MACROH2A1: variants seen among roughly 807,000 people sequenced by gnomAD.
MACROH2A1 encodes the protein core histone macro-H2A.1.
In MACROH2A1, 2 loss-of-function variants were observed where a neutral mutation model predicts 31.6. The ratio of observed to expected loss-of-function variants is 0.06; its 90% confidence interval spans 0.03 to 0.20. MACROH2A1 has a LOEUF of 0.20. MACROH2A1 is among the 10% of genes least tolerant of loss of function. The pLI, the probability that MACROH2A1 is intolerant of heterozygous loss-of-function variation, is 1.00. For missense variants in MACROH2A1, 230 were observed against 474.0 expected, an observed-to-expected ratio of 0.49 and a Z score of 4.78; for synonymous variants, 169 against 189.6, an observed-to-expected ratio of 0.89 and a Z score of 0.89.
chr5:135,394,972 G>A (rs1449684069), intron 1 of MACROH2A1, among the ~76,000 whole-genome samples: 3 of 152,148 alleles, frequency 2.0e-5, no homozygotes, highest in Non-Finnish European at 4.4e-5. Context: ...CCTTCTCTTG[G>A]ACATTCATGT....
chr5:135,356,233 G>A (rs1340209098), intron 5 of MACROH2A1: 2 of 152,196 alleles, frequency 1.3e-5, no homozygotes, highest in Non-Finnish European at 2.9e-5. Flanking sequence ...TGGCAGAAAG[G>A]GTCGTAGCCA....
At chr5:135,355,241 C>G in intron 5 of MACROH2A1, 1 of 456,044 alleles carries the variant, frequency 2.2e-6, no homozygotes, top group Non-Finnish European at 4.4e-6. Context: ...GGAGCAGTTG[C>G]GAACAGAACT....
chr5:135,346,325 G>A, intron 6 of MACROH2A1: 2 of 457,352 alleles, frequency 4.4e-6, no homozygotes, highest in Non-Finnish European at 8.0e-6. Context: ...ATGTGCCAGA[G>A]ATGTGAAAGA....
intron 8 of MACROH2A1, among the ~76,000 whole-genome samples, chr5:135,335,446 G>GT (rs3215115): frequency 0.12 from 18,458 of 152,256 alleles, 1,679 homozygotes; most frequent in African/African-American, 0.26. Context: ...GAAGTACAGT[G>GT]TAAGCTCCTG....
intron 2 of MACROH2A1, among the ~76,000 whole-genome samples, chr5:135,383,368 CT>C (rs1765917813): frequency 6.6e-6 from 1 of 152,212 alleles, no homozygotes; most frequent in African/African-American, 2.4e-5. Flanking sequence ...AGACTAAGGT[CT>C]GTCTTTTACA....
rs895794333 is a variant in MACROH2A1, at chr5:135,398,292, C to G, written c.-34+770G>C. On this transcript the variant is annotated intron_variant, in intron 1 of 8. Transcript: ENST00000511689. This position sits in a 1 kb window ranked among gnomAD's most constrained non-coding sequence, Gnocchi z 4.6. ...CTCACCTCCCCACTCCACCCCACCC[C>G]CAGCGAGGCTCTTTCCTGCTGGCCT... 9.2e-5 allele frequency among the ~76,000 whole-genome samples: 14 copies of G among 152,218 alleles called. No individual in the cohort carries two copies. The highest frequency in any genetic ancestry group is 1.8e-4 in the Non-Finnish European group (12 of 68,032).
chr5:135,375,089 G>C (rs1764681175), intron 2 of MACROH2A1, among the ~76,000 whole-genome samples: 1 of 152,224 alleles, frequency 6.6e-6, no homozygotes, highest in Non-Finnish European at 1.5e-5. Context: ...CAAGTTGAAT[G>C]GTGAGCAAAC....
intron 2 of MACROH2A1, among the ~76,000 whole-genome samples, chr5:135,371,132 GCT>G (rs1764125361): frequency 1.3e-5 from 2 of 152,188 alleles, no homozygotes; most frequent in Admixed American, 6.5e-5. Context: ...AGGACATTAT[GCT>G]AAGTGAAATA....
At chr5:135,373,653 G>T (rs752175224) in intron 2 of MACROH2A1, among the ~76,000 whole-genome samples, 3 of 152,186 alleles carry the variant, frequency 2.0e-5, no homozygotes, top group Non-Finnish European at 2.9e-5. Context: ...CAGCTCCTTA[G>T]AAAGAGCTGG....
At chr5:135,370,449 A>G (rs1000136209) in intron 2 of MACROH2A1, among the ~76,000 whole-genome samples, 2 of 152,192 alleles carry the variant, frequency 1.3e-5, no homozygotes, top group Admixed American at 6.5e-5. Context: ...TCCAGCTCTC[A>G]TTTCCCAGAA....
chr5:135,358,380 G>A, intron 5 of MACROH2A1: 1 of 985,310 alleles, frequency 1.0e-6, no homozygotes, highest in Non-Finnish European at 1.2e-6. Context: ...AACAGTGTCT[G>A]CAGCACTAGA....
chr5:135,374,154 C>A (rs931223330), intron 2 of MACROH2A1, among the ~76,000 whole-genome samples: 3 of 152,134 alleles, frequency 2.0e-5, no homozygotes, highest in East Asian at 3.9e-4. Flanking sequence ...ATCAGTAATA[C>A]TCACCCTCTC....
At chr5:135,356,064 T>C (rs1267065426) in intron 5 of MACROH2A1, 2 of 152,248 alleles carry the variant, frequency 1.3e-5, no homozygotes, top group Non-Finnish European at 2.9e-5. Context: ...ATAAGGTGAC[T>C]GCTTCTTTGT....
chr5:135,365,605 G>C (rs994237334), intron 4 of MACROH2A1, among the ~76,000 whole-genome samples: 6 of 152,140 alleles, frequency 3.9e-5, no homozygotes, highest in Admixed American at 2.6e-4. Flanking sequence ...AGTGCATACA[G>C]ACTAGATACA....
intron 8 of MACROH2A1, among the ~76,000 whole-genome samples, chr5:135,339,054 C>T (rs1275825338): frequency 6.6e-6 from 1 of 152,200 alleles, no homozygotes; most frequent in Non-Finnish European, 1.5e-5. Context: ...CAGCCCCTGA[C>T]CTGGCCTGTG....
intron 8 of MACROH2A1, among the ~76,000 whole-genome samples, chr5:135,341,514 CCTGGTA>C (rs1247573342): frequency 6.6e-6 from 1 of 152,238 alleles, no homozygotes; most frequent in Non-Finnish European, 1.5e-5. Flanking sequence ...TTCCCCAGAG[CCTGGTA>C]CTGGTGGGTC....
At chr5:135,383,261 T>C (rs1377015170) in intron 2 of MACROH2A1, among the ~76,000 whole-genome samples, 1 of 152,266 alleles carries the variant, frequency 6.6e-6, no homozygotes, top group African/African-American at 2.4e-5. Flanking sequence ...CCTAAAGTAC[T>C]TCACAATTTG....
chr5:135,392,105 T>C (rs971541658), intron 1 of MACROH2A1, among the ~76,000 whole-genome samples: 1 of 152,182 alleles, frequency 6.6e-6, no homozygotes, highest in East Asian at 1.9e-4. Context: ...GGAATGCCCT[T>C]TGTCCTCTTG....
chr5:135,366,195 T>C (rs1361279477), intron 4 of MACROH2A1, among the ~76,000 whole-genome samples: 1 of 152,238 alleles, frequency 6.6e-6, no homozygotes, highest in Non-Finnish European at 1.5e-5. Context: ...TGCTTTTCTT[T>C]ATAAATTGCT....
Sources: gnomAD v4.1 joint callset for allele counts (sites outside exome capture counted in the v4.1 genomes callset) on GRCh38, gnomAD v4.1.1 for gene constraint, Gnocchi (gnomAD v3.1) non-coding constraint, MANE v1.5 for transcripts, NCBI Gene and HGNC (gene_info 2026-07-23, HGNC 2026-07-21) for gene names.